The following SEL1L variants were observed in gnomAD, a reference collection of about 807,000 sequenced individuals.
The protein encoded by SEL1L is protein sel-1 homolog 1.
In SEL1L, 52 loss-of-function variants were observed where a neutral mutation model predicts 109.8. That is an observed-to-expected ratio of 0.47 (90% confidence interval 0.38 to 0.60). SEL1L has a LOEUF of 0.60. Among genes scored for constraint, SEL1L ranks in the 20% least tolerant of loss-of-function variants. The probability of loss-of-function intolerance (pLI) is 0.00; values close to 1 mark genes in which losing one functional copy is unlikely to be tolerated. For missense variants in SEL1L, 749 were observed against 962.2 expected (o/e 0.78, Z 2.93); for synonymous variants, 373 against 339.6 (o/e 1.10, Z -1.08).
chr14:81,532,548 A>C (rs1885369280), intron 1 of SEL1L, among the ~76,000 whole-genome samples: 1 of 152,212 alleles, frequency 6.6e-6, no homozygotes, highest in African/African-American at 2.4e-5. Flanking sequence ...TGTTGGCAGT[A>C]AAGTAATTAG....
chr14:81,488,985 G>A (rs1383442315), intron 14 of SEL1L: 10 of 464,548 alleles, frequency 2.2e-5, no homozygotes, highest in East Asian at 4.1e-5. Context: ...GTTAGAGGAC[G>A]TGGGGTAGAG....
chr14:81,495,499 T>C (rs533975521), intron 10 of SEL1L, among the ~76,000 whole-genome samples: 1 of 152,078 alleles, frequency 6.6e-6, no homozygotes, highest in Non-Finnish European at 1.5e-5. Flanking sequence ...TAGCCGGGCG[T>C]GGTAGCATAC....
At chr14:81,507,612 CA>C (rs1379284929) in intron 3 of SEL1L, among the ~76,000 whole-genome samples, 1 of 146,942 alleles carries the variant, frequency 6.8e-6, no homozygotes, top group Non-Finnish European at 1.5e-5. Context: ...AAAAAAACAG[CA>C]AAAACAAAAA....
At chr14:81,533,442 C>G (rs571320707) in intron 1 of SEL1L, among the ~76,000 whole-genome samples, 2 of 152,198 alleles carry the variant, frequency 1.3e-5, no homozygotes, top group Non-Finnish European at 2.9e-5. Flanking sequence ...AAGTTTGTTA[C>G]GTGGGAGAGA....
intron 14 of SEL1L, among the ~76,000 whole-genome samples, chr14:81,488,389 A>T (rs181420703): frequency 2.0e-5 from 3 of 152,326 alleles, no homozygotes. Context: ...GAAAAGTTAA[A>T]ATAAAGGTTA....
At chr14:81,527,567 C>T in intron 2 of SEL1L, 134 bp downstream of exon 2, 1 of 565,538 alleles carries the variant, frequency 1.8e-6, no homozygotes, top group Non-Finnish European at 3.0e-6. Context: ...AATACTAATA[C>T]CATCTGTCTT....
intron 19 of SEL1L, among the ~76,000 whole-genome samples, 193 bp downstream of exon 19, chr14:81,484,032 T>C (rs1244577608): frequency 6.6e-6 from 1 of 152,210 alleles, no homozygotes; most frequent in Non-Finnish European, 1.5e-5. Context: ...TAAAACAGCG[T>C]GGATAGCAGT....
intron 3 of SEL1L, 48 bp downstream of exon 3, chr14:81,526,685 C>T: frequency 7.0e-7 from 1 of 1,435,492 alleles, no homozygotes. Flanking sequence ...TTAAAATTTT[C>T]AGTTGTCCCC....
intron 12 of SEL1L, among the ~76,000 whole-genome samples, chr14:81,492,135 G>C (rs1189553329): frequency 6.6e-6 from 1 of 151,974 alleles, no homozygotes; most frequent in East Asian, 1.9e-4. Flanking sequence ...GGGACTACAG[G>C]CGCCCACCAC....
At chr14:81,505,515 T>A (rs1436520128) in intron 4 of SEL1L, among the ~76,000 whole-genome samples, 2 of 152,136 alleles carry the variant, frequency 1.3e-5, no homozygotes, top group Non-Finnish European at 2.9e-5. Context: ...ACAGCCATTA[T>A]TTTTTTAAAA....
rs777962520 is a variant in SEL1L, at chr14:81,486,433, G to T, written c.1654C>A (p.Arg552=). 4 of 1,613,822 alleles carry T rather than the reference G, an allele frequency of 2.5e-6. No homozygotes were observed. Among genetic ancestry groups the T allele is most frequent in the Non-Finnish European group, 3.4e-6 (4 of 1,179,888 alleles). ...AVELFKNVCE[R]GRWSERLMTA... is the part of the protein sequence containing the mutation. ...ATAAGCCTTTCAGACCAACGGCCTC[G>T]TTCACATACATTCTTAAACAACTGT... The change falls in exon 17 of 21, where the codon CGA becomes AGA. Residue 552 remains arginine, a synonymous_variant. Coordinates refer to ENST00000336735, the MANE Select transcript of SEL1L (RefSeq NM_005065.6).
rs1175171035 is a variant in SEL1L, at chr14:81,527,025, A to C, written c.109-61T>G. ...CCAAGACTTTCCCCAACCCTATTTG[A>C]CCGTTATTTTTACTAATCCAGATAT... is the stretch of plus-strand genomic sequence containing the variant. On this transcript the variant is annotated intron_variant, in intron 2 of 20. Transcript: ENST00000336735. 3.2e-6 allele frequency: 4 copies of C among 1,254,964 alleles called. No individual in the cohort carries two copies. The East Asian group carries it at 9.5e-5, about 30-fold the overall frequency. 77.7% of individuals were successfully genotyped at this position (1,254,964 alleles called of 1,614,324 possible). A position where few individuals can be genotyped will look rare whatever the true frequency, so the allele number is the denominator to read the frequency against.
rs1301723941 is a variant in SEL1L, at chr14:81,477,731, T to C, written c.2176-550A>G. On this transcript the variant is annotated intron_variant, in intron 20 of 20. Transcript: ENST00000336735. ...TGGAGGCTGAGGCACAAGAATTGCC[T>C]GAACCCAGGAGGTGGAGGTTGCGGT... 2.6e-5 allele frequency among the ~76,000 whole-genome samples: 4 copies of C among 152,140 alleles called. No homozygotes were observed. The East Asian group carries it at 7.7e-4, about 29-fold the overall frequency.
chr14:81,492,212 C>G (rs2140000953), intron 12 of SEL1L, among the ~76,000 whole-genome samples: 1 of 152,056 alleles, frequency 6.6e-6, no homozygotes, highest in Non-Finnish European at 1.5e-5. Flanking sequence ...AGGATGGTCT[C>G]CATCTCCTGA....
chr14:81,515,398 C>T (rs958164025), intron 3 of SEL1L, among the ~76,000 whole-genome samples: 9 of 152,148 alleles, frequency 5.9e-5, no homozygotes, highest in Non-Finnish European at 1.5e-5. Context: ...GAAAAGAATG[C>T]AGCTTTAGCT....
intron 20 of SEL1L, among the ~76,000 whole-genome samples, chr14:81,477,983 T>G (rs1903223398): frequency 6.6e-6 from 1 of 152,218 alleles, no homozygotes. Context: ...AAACATTTAA[T>G]AGCTGAATGA....
At chr14:81,520,448 T>C (rs898177638) in intron 3 of SEL1L, among the ~76,000 whole-genome samples, 1 of 152,244 alleles carries the variant, frequency 6.6e-6, no homozygotes, top group Non-Finnish European at 1.5e-5. Context: ...ATTTTGAAAC[T>C]ATATATGCAT....
In SEL1L at chr14:81,487,746, T is replaced by TA; in HGVS notation, c.1483+108dup. 2.0e-6 allele frequency: 3 copies of TA among 1,538,338 alleles called. No homozygotes were observed. The South Asian group carries it at 3.8e-5, about 19-fold the overall frequency. Reference sequence around the variant, plus strand: ...CAAATCATTGAACTGGGAGAACATTTAACCAGCCAGAATTTGATAGCACCC... The same window carrying TA: ...CAAATCATTGAACTGGGAGAACATTTAAACCAGCCAGAATTTGATAGCACCC... On this transcript the variant is annotated intron_variant, in intron 15 of 20. Coordinates refer to ENST00000336735, the MANE Select transcript of SEL1L (RefSeq NM_005065.6).
intron 3 of SEL1L, among the ~76,000 whole-genome samples, chr14:81,511,897 T>C (rs1013015084): frequency 6.6e-6 from 1 of 152,228 alleles, no homozygotes; most frequent in Non-Finnish European, 1.5e-5. Context: ...TAAGAAAGTA[T>C]ACAAAATTAA....
Sources: allele counts gnomAD v4.1 joint callset (sites outside exome capture counted in the v4.1 genomes callset), GRCh38; gene constraint gnomAD v4.1.1; transcripts MANE v1.5; gene names NCBI Gene and HGNC (gene_info 2026-07-23, HGNC 2026-07-21).